The following CNTNAP2 variants were observed in gnomAD, a reference collection of about 807,000 sequenced individuals.
CNTNAP2 encodes contactin-associated protein-like 2.
Under a neutral mutation model 155.2 loss-of-function variants are expected in CNTNAP2, and 98 were observed. The observed-to-expected ratio is 0.63, with a 90% CI of 0.54 to 0.75. The LOEUF (loss-of-function observed/expected upper bound fraction) is 0.75, where lower values mean the gene tolerates loss of function less well. CNTNAP2 is among the 30% of genes least tolerant of loss of function. CNTNAP2 has a pLI of 0.00. For missense variants in CNTNAP2, 1,727 were observed against 1,688.1 expected, an observed-to-expected ratio of 1.02 and a Z score of -0.40; for synonymous variants, 651 against 631.2, an observed-to-expected ratio of 1.03 and a Z score of -0.47.
At position 146,883,502 on chromosome 7, in the gene CNTNAP2, T is replaced by C. The variant is rs1461372681; in HGVS notation, c.402+43598T>C. ...TAAAAGAAAACAGTTTTTATTTTCA[T>C]TGGAATATTCTCATAAGAACCAAAT... On this transcript the variant is annotated intron_variant, in intron 3 of 23. Coordinates refer to ENST00000361727, the MANE Select transcript of CNTNAP2 (RefSeq NM_014141.6). Among the ~76,000 whole-genome samples the C allele has an allele frequency of 3.9e-5, 6 of 152,182 alleles. No homozygotes were observed. The East Asian group carries it at 5.8e-4, about 15-fold the overall frequency.
chr7:147,613,640 G>A (rs1030394620), intron 12 of CNTNAP2, among the ~76,000 whole-genome samples: 7 of 152,014 alleles, frequency 4.6e-5, no homozygotes, highest in Admixed American at 1.3e-4. Context: ...TCAGGAGTTC[G>A]AGACCAGCCT....
At chr7:147,070,002 A>C (rs1205793390) in intron 4 of CNTNAP2, among the ~76,000 whole-genome samples, 1 of 152,220 alleles carries the variant, frequency 6.6e-6, no homozygotes, top group Non-Finnish European at 1.5e-5. Flanking sequence ...TTTCTACAGG[A>C]AACTTGACAG....
At chr7:147,998,121 T>C (rs1241810271) in intron 15 of CNTNAP2, among the ~76,000 whole-genome samples, 4 of 139,824 alleles carry the variant, frequency 2.9e-5, no homozygotes, top group African/African-American at 1.1e-4. Flanking sequence ...TTTTTTTTTT[T>C]TTTTTTTTGA....
chr7:147,645,835 A>T (rs1333706752), intron 13 of CNTNAP2, among the ~76,000 whole-genome samples: 1 of 152,202 alleles, frequency 6.6e-6, no homozygotes, highest in East Asian at 1.9e-4. Flanking sequence ...TGATTCAGAG[A>T]TGGAGATCAA....
chr7:146,381,066 G>A (rs899067752), intron 1 of CNTNAP2, among the ~76,000 whole-genome samples: 10 of 151,842 alleles, frequency 6.6e-5, no homozygotes, highest in Middle Eastern at 6.8e-3. Flanking sequence ...CCAAAGTGCT[G>A]GGATTACAGG....
At chr7:148,076,147 GA>G (rs1315715575) in intron 15 of CNTNAP2, among the ~76,000 whole-genome samples, 2 of 152,146 alleles carry the variant, frequency 1.3e-5, no homozygotes, top group Admixed American at 6.5e-5. Context: ...ATGTCTTCAG[GA>G]AGTCTACAGT....
At chr7:146,832,815 C>A (rs1803539334) in intron 2 of CNTNAP2, among the ~76,000 whole-genome samples, 1 of 151,976 alleles carries the variant, frequency 6.6e-6, no homozygotes, top group Non-Finnish European at 1.5e-5. Context: ...CCTGCCTCAG[C>A]CTCCCTACTA....
At chr7:147,881,015 A>G (rs1174738402) in intron 13 of CNTNAP2, among the ~76,000 whole-genome samples, 1 of 152,168 alleles carries the variant, frequency 6.6e-6, no homozygotes, top group Non-Finnish European at 1.5e-5. Flanking sequence ...CCATAAGACC[A>G]GGAAGTGGCC....
intron 12 of CNTNAP2, chr7:147,638,855 C>CT (rs1795227236): frequency 6.8e-6 from 3 of 439,520 alleles, no homozygotes; most frequent in African/African-American, 2.4e-5. Context: ...TTTTTTTTTT[C>CT]TTTTTTTGCC....
At chr7:147,851,464 C>T (rs1051507362) in intron 13 of CNTNAP2, among the ~76,000 whole-genome samples, 27 of 152,146 alleles carry the variant, frequency 1.8e-4, no homozygotes, top group African/African-American at 6.5e-4. Flanking sequence ...TATAAAGACA[C>T]ATGCACACGT....
At chr7:146,762,895 G>A (rs1361996626) in intron 1 of CNTNAP2, among the ~76,000 whole-genome samples, 1 of 152,128 alleles carries the variant, frequency 6.6e-6, no homozygotes, top group African/African-American at 2.4e-5. Flanking sequence ...CTGCCCCCAT[G>A]ATTCAATTAC....
intron 1 of CNTNAP2, among the ~76,000 whole-genome samples, chr7:146,377,500 G>T (rs980548088): frequency 1.3e-5 from 2 of 151,976 alleles, no homozygotes; most frequent in Admixed American, 6.6e-5. Context: ...TTAATCTTTT[G>T]GGTCATATAT....
intron 13 of CNTNAP2, among the ~76,000 whole-genome samples, chr7:147,688,419 A>T (rs1466853832): frequency 6.6e-6 from 1 of 152,090 alleles, no homozygotes; most frequent in Non-Finnish European, 1.5e-5. Context: ...TCACATTTCC[A>T]CCCCTACTTA....
chr7:147,894,243 C>A (rs540650165), intron 13 of CNTNAP2: 42 of 152,216 alleles, frequency 2.8e-4, no homozygotes, highest in African/African-American at 9.6e-4. Flanking sequence ...CCATTCATAA[C>A]TTAATATGGA....
chr7:147,207,548 C>T (rs1175060194), intron 8 of CNTNAP2, among the ~76,000 whole-genome samples: 1 of 151,932 alleles, frequency 6.6e-6, no homozygotes, highest in African/African-American at 2.4e-5. Context: ...TTTTCTAAAT[C>T]CAAAATTCAA....
At chr7:146,426,622 T>TA (rs1563079428) in intron 1 of CNTNAP2, among the ~76,000 whole-genome samples, 33 of 114,860 alleles carry the variant, frequency 2.9e-4, no homozygotes, top group South Asian at 9.0e-4. Flanking sequence ...AATAACACCT[T>TA]TAAAAAAAAA....
In CNTNAP2 at chr7:147,041,151, A is replaced by G. The variant is rs886908893; in HGVS notation, c.403-2756A>G. On this transcript the variant is annotated intron_variant, in intron 3 of 23. Coordinates refer to ENST00000361727, the MANE Select transcript of CNTNAP2 (RefSeq NM_014141.6). ...GAACAACAACAACAATACATGCTAT[A>G]TTATTTTGTCTCTAATCAGACAGAA... Among the ~76,000 whole-genome samples, 6 of 152,256 alleles carry G rather than the reference A, an allele frequency of 3.9e-5. No individual in the cohort carries two copies. The South Asian group carries it at 8.3e-4, about 21-fold the overall frequency.
At chr7:147,859,185 C>T (rs139413900) in intron 13 of CNTNAP2, among the ~76,000 whole-genome samples, 36 of 152,104 alleles carry the variant, frequency 2.4e-4, no homozygotes, top group African/African-American at 8.2e-4. Flanking sequence ...TACATAGCTT[C>T]GTAACAATTA....
chr7:148,212,799 C>G (rs1484908799), intron 18 of CNTNAP2, among the ~76,000 whole-genome samples: 1 of 152,190 alleles, frequency 6.6e-6, no homozygotes, highest in African/African-American at 2.4e-5. Context: ...AGCTGTAAAT[C>G]TGCCACTTGG....
Sources: allele counts gnomAD v4.1 joint callset (sites outside exome capture counted in the v4.1 genomes callset), GRCh38; gene constraint gnomAD v4.1.1; transcripts MANE v1.5; gene names NCBI Gene and HGNC (gene_info 2026-07-23, HGNC 2026-07-21).